Variants in SYNPO observed in about 807,000 individuals in gnomAD.
SYNPO encodes synaptopodin.
A neutral mutation model predicts 49.5 loss-of-function variants in SYNPO; 19 were observed. The observed-to-expected ratio is 0.38, with a 90% confidence interval of 0.27 to 0.56. The LOEUF (loss-of-function observed/expected upper bound fraction) is 0.56, where lower values mean the gene tolerates loss of function less well. Ranked by LOEUF, SYNPO falls within the 20% of genes least tolerant of loss-of-function variation. The probability of loss-of-function intolerance (pLI) is 0.68; values close to 1 mark genes in which losing one functional copy is unlikely to be tolerated. For missense variants in SYNPO, 1,131 were observed against 1,248.3 expected (o/e 0.91, Z 1.42); for synonymous variants, 536 against 548.0 (o/e 0.98, Z 0.31).
At chr5:150,635,707 C>G (rs957316357), upstream of SYNPO, among the ~76,000 whole-genome samples, 1 of 152,206 alleles carries the variant, frequency 6.6e-6, no homozygotes, top group Non-Finnish European at 1.5e-5. Context: ...AAGTGATCTG[C>G]CCGCCTCGGC....
the SYNPO span, among the ~76,000 whole-genome samples, chr5:150,588,907 C>A: frequency 6.6e-6 from 1 of 152,152 alleles, no homozygotes; most frequent in African/African-American, 2.4e-5. Flanking sequence ...TTCCCCTCTC[C>A]CAATTCCTTC....
chr5:150,627,544 G>C (rs140059911), intron 2 of SYNPO, among the ~76,000 whole-genome samples: 7 of 152,244 alleles, frequency 4.6e-5, no homozygotes, highest in African/African-American at 1.7e-4. Context: ...TAATTGGGGA[G>C]ATAGAAAAGA....
chr5:150,631,181 G>GCC (rs1369972625), intron 2 of SYNPO, among the ~76,000 whole-genome samples: 1 of 152,214 alleles, frequency 6.6e-6, no homozygotes, highest in Non-Finnish European at 1.5e-5. Flanking sequence ...CCCAGCTATG[G>GCC]CCGAGGCACA....
intron 1 of SYNPO, among the ~76,000 whole-genome samples, chr5:150,604,052 G>T (rs577529262): frequency 5.6e-4 from 85 of 152,340 alleles, no homozygotes; most frequent in African/African-American, 1.9e-3. Flanking sequence ...CCCTGGGGAA[G>T]CTGCTGGCCA....
At chr5:150,609,079 CT>C (rs1756772589) in intron 1 of SYNPO, among the ~76,000 whole-genome samples, 1 of 152,140 alleles carries the variant, frequency 6.6e-6, no homozygotes, top group Admixed American at 6.5e-5. Flanking sequence ...GAAAAAAAAG[CT>C]TTGATTTGTA....
At chr5:150,618,253 G>C (rs1477891625) in exon 2 of SYNPO, 3 of 1,306,176 alleles carry the variant, frequency 2.3e-6, no homozygotes, top group Non-Finnish European at 3.1e-6. Flanking sequence ...AGTGCAGAGA[G>C]TCAGAGGAGG....
At chr5:150,651,291 G>A (rs1402868667) in intron 2 of SYNPO, 1 of 1,001,094 alleles carries the variant, frequency 1.0e-6, no homozygotes, top group African/African-American at 1.7e-5. Context: ...GGAGAGGAGG[G>A]TTCCGGTCCC....
In SYNPO at chr5:150,650,147, C is replaced by T. The variant is rs754209180; in HGVS notation, c.1872C>T (p.Tyr624=). 3.1e-6 allele frequency: 5 copies of T among 1,613,718 alleles called. No homozygotes were observed. Among genetic ancestry groups the T allele is most frequent in the African/African-American group, 1.3e-5 (1 of 74,932 alleles). ...CCTCGCGCTCCTCACCGGGCCTCTA[C>T]ACCTCCCCCGGCCAGGACAGCCTGC... ...PRPSRSSPGL[Y]TSPGQDSLQP... Residue 624 remains tyrosine, a synonymous_variant, in exon 2 of 3, where the codon TAC becomes TAT. Transcript: ENST00000307662.
chr5:150,595,641 A>G, the SYNPO span, among the ~76,000 whole-genome samples: 2,770 of 152,302 alleles, frequency 0.018, 82 homozygotes, highest in African/African-American at 0.062. Flanking sequence ...CCAAAGGGCT[A>G]TTTTATCAAG....
intron 2 of SYNPO, among the ~76,000 whole-genome samples, chr5:150,654,952 C>A (rs1433898549): frequency 6.6e-6 from 1 of 152,072 alleles, no homozygotes; most frequent in Non-Finnish European, 1.5e-5. Context: ...ATGGAGAAAC[C>A]CCGTCTCTAC....
intron 2 of SYNPO, among the ~76,000 whole-genome samples, chr5:150,632,629 C>G (rs753878946): frequency 6.6e-6 from 1 of 152,148 alleles, no homozygotes; most frequent in East Asian, 1.9e-4. Flanking sequence ...AGGGCCCTTT[C>G]GGCTCTGCCC....
chr5:150,640,605 G>GA, upstream of SYNPO: 1 of 974,650 alleles, frequency 1.0e-6, no homozygotes, highest in Non-Finnish European at 1.2e-6. Context: ...ATTGGCGGGG[G>GA]AGAGACTGGG....
chr5:150,586,299 G>A, the SYNPO span, among the ~76,000 whole-genome samples: 7 of 152,302 alleles, frequency 4.6e-5, no homozygotes, highest in East Asian at 9.7e-4. Flanking sequence ...TCAATCTTCC[G>A]CTGCAGTGGA....
exon 1 of SYNPO, chr5:150,601,090 T>A (rs565210609): frequency 1.3e-5 from 2 of 150,314 alleles, no homozygotes; most frequent in South Asian, 4.3e-4. Context: ...AGAGCGCGAG[T>A]GAGGAGCAGG....
At chr5:150,628,036 C>CTGTGTG (rs3062926) in intron 2 of SYNPO, among the ~76,000 whole-genome samples, 21,079 of 141,924 alleles carry the variant, frequency 0.15, 1,803 homozygotes, top group Non-Finnish European at 0.21. Context: ...GTGTGTGTTT[C>CTGTGTG]TGTGTGTGTG....
At position 150,649,970 on chromosome 5, in the gene SYNPO, C is replaced by T. The variant is rs1316190517; in HGVS notation, c.1695C>T (p.Tyr565=). ...CAGAGCCCACCAAGCAGCCGCCATA[C>T]CAGCTGCGCCCCTCGCTCTTTGTCC... ...LRPEPTKQPP[Y]QLRPSLFVLS... Residue 565 remains tyrosine, a synonymous_variant, in exon 2 of 3, where the codon TAC becomes TAT. Coordinates refer to ENST00000307662, the MANE Select transcript of SYNPO (RefSeq NM_007286.6). 11 of 1,612,996 alleles carry T rather than the reference C, an allele frequency of 6.8e-6. No individual in the cohort carries two copies. The highest frequency in any genetic ancestry group is 9.3e-6 in the Non-Finnish European group (11 of 1,179,998).
upstream of SYNPO, among the ~76,000 whole-genome samples, chr5:150,637,687 G>A (rs946643579): frequency 2.0e-5 from 3 of 152,236 alleles, no homozygotes; most frequent in Non-Finnish European, 2.9e-5. Flanking sequence ...TACCCCATGT[G>A]CGGTGACTTT....
In SYNPO at chr5:150,640,821, G is replaced by C. The variant is rs1442571207; in HGVS notation, c.-366G>C. 15 of 985,510 alleles carry C rather than the reference G, an allele frequency of 1.5e-5. No individual in the cohort carries two copies. Among genetic ancestry groups the C allele is most frequent in the Non-Finnish European group, 1.8e-5 (15 of 829,972 alleles). 61.0% of individuals were successfully genotyped at this position (985,510 alleles called of 1,614,324 possible). ...GCTTGAAGGCCGGCAGGAGCATCCA[G>C]GGGGAAGCTTGGCTTCAGGGAGGAC... is the stretch of plus-strand genomic sequence containing the variant. On this transcript the variant is annotated 5_prime_UTR_variant, in exon 1 of 3. Coordinates refer to ENST00000307662, the MANE Select transcript of SYNPO (RefSeq NM_007286.6).
At chr5:150,593,489 T>C in the SYNPO span, among the ~76,000 whole-genome samples, 1 of 152,248 alleles carries the variant, frequency 6.6e-6, no homozygotes, top group Non-Finnish European at 1.5e-5. Context: ...TGAGACAGGG[T>C]CTTGCTCTGT....
Sources: allele counts gnomAD v4.1 joint callset (sites outside exome capture counted in the v4.1 genomes callset), GRCh38; gene constraint gnomAD v4.1.1; transcripts MANE v1.5; gene names NCBI Gene and HGNC (gene_info 2026-07-23, HGNC 2026-07-21).